APBB2: variants seen among roughly 807,000 people sequenced by gnomAD.
APBB2 encodes amyloid beta precursor protein binding family B member 2.
A neutral mutation model predicts 82.5 loss-of-function variants in APBB2; 38 were observed. The observed-to-expected ratio is 0.46, with a 90% CI of 0.36 to 0.60. The LOEUF is 0.60. APBB2 is among the 20% of genes least tolerant of loss of function. APBB2 has a pLI of 0.00. For missense variants in APBB2, 772 were observed against 972.3 expected, an observed-to-expected ratio of 0.79 and a Z score of 2.74; for synonymous variants, 341 against 368.2, an observed-to-expected ratio of 0.93 and a Z score of 0.85.
Position 40,877,593 on chromosome 4 carries a change from G to A in APBB2, c.1529+12771C>T, listed in dbSNP as rs542945191. Among the ~76,000 whole-genome samples the A allele has an allele frequency of 4.1e-4, 63 of 152,306 alleles. 1 individual carries two copies. Among genetic ancestry groups the A allele is most frequent in the African/African-American group, 1.5e-3 (61 of 41,566 alleles). ...CAACTCTTTGAAAAATGGCATTAAT[G>A]CCTTAATCGGTGCTATATATAAAAT... On this transcript the variant is annotated intron_variant, in intron 12 of 17. Transcript: ENST00000508593.
At chr4:41,176,058 C>G (rs1220421349) in intron 1 of APBB2, among the ~76,000 whole-genome samples, 1 of 152,152 alleles carries the variant, frequency 6.6e-6, no homozygotes, top group Admixed American at 6.5e-5. Flanking sequence ...ATTTCTCCAC[C>G]TTAAATAACT....
intron 17 of APBB2, 65 bp downstream of exon 17, chr4:40,821,806 A>G: frequency 6.4e-7 from 1 of 1,566,016 alleles, no homozygotes; most frequent in South Asian, 1.1e-5. Flanking sequence ...TTCTGCTATA[A>G]TGTATGGCAT....
At chr4:40,970,241 T>C (rs114058729) in intron 6 of APBB2, among the ~76,000 whole-genome samples, 1,668 of 152,276 alleles carry the variant, frequency 0.011, 15 homozygotes, top group African/African-American at 0.022. Flanking sequence ...AATTTGAAGA[T>C]TATATGGGAA....
At chr4:41,033,368 G>C in intron 4 of APBB2, 64 bp from the exon 5 acceptor site, 2 of 1,107,306 alleles carry the variant, frequency 1.8e-6, no homozygotes, top group Non-Finnish European at 2.5e-6. Flanking sequence ...AGAAAGAAAA[G>C]CATAGCAGTG....
intron 3 of APBB2, among the ~76,000 whole-genome samples, chr4:41,088,255 G>A (rs1438530742): frequency 6.6e-6 from 1 of 152,102 alleles, no homozygotes; most frequent in Non-Finnish European, 1.5e-5. Context: ...CTGAGCTAAA[G>A]GTCAGGAGTA....
chr4:41,098,384 C>G (rs1180534896), intron 3 of APBB2, among the ~76,000 whole-genome samples: 1 of 152,052 alleles, frequency 6.6e-6, no homozygotes, highest in Non-Finnish European at 1.5e-5. Flanking sequence ...GGGTCTCTTT[C>G]GTTGTCCAGG....
intron 11 of APBB2, chr4:40,890,815 T>TA (rs1256909931): frequency 5.2e-5 from 11 of 210,504 alleles, no homozygotes; most frequent in African/African-American, 2.6e-4. Context: ...GAATACGTCT[T>TA]TTACTAATTC....
chr4:41,023,169 T>G (rs1196387385), intron 5 of APBB2, among the ~76,000 whole-genome samples: 1 of 152,194 alleles, frequency 6.6e-6, no homozygotes, highest in Non-Finnish European at 1.5e-5. Flanking sequence ...CAAACATGAC[T>G]GTTCATCAGT....
At chr4:41,062,936 G>A (rs1213945757) in intron 4 of APBB2, among the ~76,000 whole-genome samples, 2 of 152,190 alleles carry the variant, frequency 1.3e-5, no homozygotes, top group Non-Finnish European at 2.9e-5. Flanking sequence ...TCTCTGGAAA[G>A]GCACTCAGCT....
At chr4:40,873,134 A>G (rs1376042781) in intron 12 of APBB2, among the ~76,000 whole-genome samples, 2 of 151,554 alleles carry the variant, frequency 1.3e-5, no homozygotes, top group Non-Finnish European at 2.9e-5. Flanking sequence ...GATGACAGCC[A>G]TTTCTATCCT....
chr4:41,086,936 ACACAC>A (rs1173115944), intron 3 of APBB2, among the ~76,000 whole-genome samples: 1 of 151,640 alleles, frequency 6.6e-6, no homozygotes, highest in African/African-American at 2.4e-5. Flanking sequence ...ACACACACAC[ACACAC>A]ACACACACAA....
intron 6 of APBB2, among the ~76,000 whole-genome samples, chr4:40,965,281 T>C (rs759040726): frequency 4.6e-5 from 7 of 152,192 alleles, no homozygotes; most frequent in Non-Finnish European, 1.0e-4. Flanking sequence ...GACATATAAT[T>C]AACTGCTTAC....
At chr4:40,880,548 C>T (rs1293082396) in intron 12 of APBB2, 16 of 985,446 alleles carry the variant, frequency 1.6e-5, no homozygotes, top group Non-Finnish European at 1.8e-5. Context: ...AGACATTCAT[C>T]CATGTTTACA....
intron 5 of APBB2, among the ~76,000 whole-genome samples, chr4:41,029,129 T>C (rs988268721): frequency 6.6e-6 from 1 of 152,230 alleles, no homozygotes; most frequent in African/African-American, 2.4e-5. Flanking sequence ...ATTTGCTTCA[T>C]TTTTATTTTT....
intron 3 of APBB2, among the ~76,000 whole-genome samples, chr4:41,098,297 A>G (rs745965484): frequency 1.4e-4 from 21 of 151,878 alleles, no homozygotes; most frequent in Non-Finnish European, 2.5e-4. Flanking sequence ...TGACCCTCCC[A>G]TCTCAGCCTC....
At position 41,146,047 on chromosome 4, in the gene APBB2, C is replaced by T. The variant is rs373349369; in HGVS notation, c.-416-2905G>A. ...TCTACAAAAAATTTTAAATATTTATCCAACATGGTGACTCATGCCTGTAAT... is the reference window on the plus strand; with the variant it reads ...TCTACAAAAAATTTTAAATATTTATTCAACATGGTGACTCATGCCTGTAAT... On this transcript the variant is annotated intron_variant, in intron 1 of 17. Coordinates refer to ENST00000508593, the MANE Select transcript of APBB2 (RefSeq NM_004307.2). Among the ~76,000 whole-genome samples, 6 of 151,968 alleles carry T rather than the reference C, an allele frequency of 3.9e-5. 1 individual carries two copies. In the South Asian group the frequency reaches 1.0e-3, roughly 26 times the overall value.
Position 41,150,963 on chromosome 4 carries a change from C to A in APBB2, c.-416-7821G>T, listed in dbSNP as rs1257982500. ...TATTTGGCCAGGTTGGTCTTGAACTCCTGACCTCAGGTGATCTGCCCACCT... is the reference window on the plus strand; with the variant it reads ...TATTTGGCCAGGTTGGTCTTGAACTACTGACCTCAGGTGATCTGCCCACCT... On this transcript the variant is annotated intron_variant, in intron 1 of 17. Coordinates refer to ENST00000508593, the MANE Select transcript of APBB2 (RefSeq NM_004307.2). Among the ~76,000 whole-genome samples, 14 of 152,164 alleles carry A rather than the reference C, an allele frequency of 9.2e-5. 1 individual carries two copies. The highest frequency in any genetic ancestry group is 1.5e-5 in the Non-Finnish European group (1 of 68,032).
intron 3 of APBB2, among the ~76,000 whole-genome samples, chr4:41,082,125 T>C (rs777800430): frequency 5.9e-5 from 9 of 152,316 alleles, no homozygotes; most frequent in Non-Finnish European, 8.8e-5. Flanking sequence ...AAGGAAGTTA[T>C]GGATAGGTCA....
chr4:41,006,464 TA>T (rs1428976205), intron 6 of APBB2, among the ~76,000 whole-genome samples: 4 of 152,272 alleles, frequency 2.6e-5, no homozygotes, highest in East Asian at 1.9e-4. Context: ...ATTTATTTTT[TA>T]TTTTTTTATT....
Sources: gnomAD v4.1 joint callset for allele counts (sites outside exome capture counted in the v4.1 genomes callset) on GRCh38, gnomAD v4.1.1 for gene constraint, MANE v1.5 for transcripts, NCBI Gene and HGNC (gene_info 2026-07-23, HGNC 2026-07-21) for gene names.